NEDD4L: variants seen among roughly 807,000 people sequenced by gnomAD.
The protein encoded by NEDD4L is NEDD4 like E3 ubiquitin protein ligase.
In NEDD4L, 54 loss-of-function variants were observed where a neutral mutation model predicts 148.9. The ratio of observed to expected loss-of-function variants is 0.36; its 90% CI spans 0.29 to 0.45. The LOEUF (loss-of-function observed/expected upper bound fraction) is 0.45. Ranked by LOEUF, NEDD4L falls within the 20% of genes least tolerant of loss-of-function variation. NEDD4L has a pLI of 1.00. For synonymous variants in NEDD4L, 433 were observed against 440.7 expected (o/e 0.98, Z 0.22); for missense variants, 856 against 1,233.8 (o/e 0.69, Z 4.59).
At chr18:58,302,963 G>C (rs2149271956) in intron 5 of NEDD4L, among the ~76,000 whole-genome samples, 1 of 152,362 alleles carries the variant, frequency 6.6e-6, no homozygotes, top group South Asian at 2.1e-4. Context: ...AGGGCATGCA[G>C]TGCAACAGAA....
intron 19 of NEDD4L, among the ~76,000 whole-genome samples, chr18:58,361,447 A>AAC (rs1568846076): frequency 2.0e-5 from 3 of 152,198 alleles, no homozygotes; most frequent in African/African-American, 7.2e-5. Context: ...TCATTTTTCC[A>AAC]AGAACTTTAT....
At position 58,044,509 on chromosome 18, in the gene NEDD4L, T is replaced by A; in HGVS notation, c.-152T>A. 1.8e-6 allele frequency: 2 copies of A among 1,105,384 alleles called. No individual in the cohort carries two copies. Among genetic ancestry groups the A allele is most frequent in the Non-Finnish European group, 2.3e-6 (2 of 862,790 alleles). 68.5% of individuals were successfully genotyped at this position (1,105,384 alleles called of 1,614,324 possible). ...GTCCAGGGCGCGCTCTCGGGCACCC[T>A]CACCTGCCGGCGCCCGGCCGCTTAC... On this transcript the variant is annotated 5_prime_UTR_variant, in exon 1 of 31. Coordinates refer to ENST00000400345, the MANE Select transcript of NEDD4L (RefSeq NM_001144967.3).
intron 5 of NEDD4L, among the ~76,000 whole-genome samples, chr18:58,262,304 G>C (rs1346858484): frequency 6.6e-6 from 1 of 152,164 alleles, no homozygotes; most frequent in African/African-American, 2.4e-5. Context: ...CCAGGCCCTG[G>C]ACTTCTGTCT....
At chr18:58,094,447 A>G (rs1257180676) in intron 1 of NEDD4L, among the ~76,000 whole-genome samples, 8 of 151,712 alleles carry the variant, frequency 5.3e-5, no homozygotes, top group Non-Finnish European at 1.0e-4. Context: ...TCAGCCTCCT[A>G]CAGTGTTGGG....
rs1177209188 is a variant in NEDD4L at position 58,125,420 on chromosome 18, A to G, written c.49-40368A>G. Among the ~76,000 whole-genome samples, 12 of 151,822 alleles carry G rather than the reference A, an allele frequency of 7.9e-5. No individual in the cohort carries two copies. The East Asian group carries it at 2.1e-3, about 27-fold the overall frequency. The stretch of plus-strand genomic sequence containing the variant: ...ATCTGACCAGTTGAGGCAGGCTTTC[A>G]TGTCATTCTCTCTGGCCACCCCCTT... On this transcript the variant is annotated intron_variant, in intron 1 of 30. Coordinates refer to ENST00000400345, the MANE Select transcript of NEDD4L (RefSeq NM_001144967.3).
chr18:58,205,822 C>T (rs551680754), intron 2 of NEDD4L, among the ~76,000 whole-genome samples: 2 of 151,794 alleles, frequency 1.3e-5, no homozygotes, highest in African/African-American at 2.4e-5. Flanking sequence ...TTTCCTTTCA[C>T]ATCCCCTTGG....
At chr18:58,269,037 A>AT (rs1273463615) in intron 5 of NEDD4L, among the ~76,000 whole-genome samples, 3 of 151,910 alleles carry the variant, frequency 2.0e-5, no homozygotes, top group Non-Finnish European at 2.9e-5. Flanking sequence ...ACTGGGGATC[A>AT]TTTTTTCCTT....
chr18:58,102,270 C>T (rs1001219297), intron 1 of NEDD4L, among the ~76,000 whole-genome samples: 4 of 152,086 alleles, frequency 2.6e-5, no homozygotes, highest in African/African-American at 9.7e-5. Context: ...AGCTGTGGCT[C>T]ACATGTCTCC....
intron 1 of NEDD4L, chr18:58,055,025 G>A (rs2082032990): frequency 6.6e-6 from 1 of 152,212 alleles, no homozygotes. Flanking sequence ...CTGTGGGAGT[G>A]ATGGGTGGGG....
intron 5 of NEDD4L, among the ~76,000 whole-genome samples, chr18:58,264,278 T>G (rs2049899214): frequency 6.6e-6 from 1 of 152,072 alleles, no homozygotes; most frequent in South Asian, 2.1e-4. Context: ...AAGGACACAG[T>G]GTGCCTCCGG....
intron 1 of NEDD4L, among the ~76,000 whole-genome samples, chr18:58,115,859 C>G (rs898045385): frequency 4.6e-5 from 7 of 152,172 alleles, no homozygotes; most frequent in Non-Finnish European, 1.0e-4. Flanking sequence ...TTATTTTTCC[C>G]TTGCTAAGAG....
At chr18:58,306,935 A>G (rs1283363994) in intron 5 of NEDD4L, among the ~76,000 whole-genome samples, 1 of 152,182 alleles carries the variant, frequency 6.6e-6, no homozygotes, top group South Asian at 2.1e-4. Flanking sequence ...TGCCCAGGCA[A>G]GTTTCTTAAC....
chr18:58,229,495 A>G lies in NEDD4L; in HGVS notation c.123-15932A>G, dbSNP rs75920338. On this transcript the variant is annotated intron_variant, in intron 2 of 30. Transcript: ENST00000400345. ...GGAGCTCATGTCTCTGTTTGTGCTA[A>G]TGCTCGCTGTATCCCCAAGTGGCAG... Among the ~76,000 whole-genome samples, 1,243 of 152,246 alleles carry G rather than the reference A, an allele frequency of 8.2e-3. 7 individuals carry two copies. The highest frequency in any genetic ancestry group is 0.039 in the East Asian group (202 of 5,180).
chr18:58,343,018 G>A lies in NEDD4L; in HGVS notation c.1490G>A (p.Ser497Asn). The A allele has an allele frequency of 1.2e-6, 2 of 1,613,730 alleles. No homozygotes were observed. Among genetic ancestry groups the A allele is most frequent in the Non-Finnish European group, 1.7e-6 (2 of 1,179,766 alleles). ...AAACCACAACACAAAGTCACACAGA[G>A]CTTCTTGCCACCCGGCTGGGAAATG... ...SPKPQHKVTQSFLPPGWEMRI... is the reference protein window; with the variant it reads ...SPKPQHKVTQNFLPPGWEMRI... The change falls in exon 16 of 31, where the codon AGC (serine) becomes AAC (asparagine). Residue 497 changes from serine (S) to asparagine (N), a missense_variant. By Grantham distance (46) the Ser-to-Asn change is conservative. Coordinates refer to ENST00000400345, the MANE Select transcript of NEDD4L (RefSeq NM_001144967.3).
Position 58,230,434 on chromosome 18 carries a change from C to A in NEDD4L, c.123-14993C>A, listed in dbSNP as rs565340087. Among the ~76,000 whole-genome samples the A allele has an allele frequency of 7.1e-5, 9 of 127,568 alleles. No individual in the cohort carries two copies. In the South Asian group the frequency reaches 1.8e-3, roughly 25 times the overall value. The allele number at this position is 127,568 out of a possible 152,430, so 83.7% of individuals were successfully genotyped here. On this transcript the variant is annotated intron_variant, in intron 2 of 30. Coordinates refer to ENST00000400345, the MANE Select transcript of NEDD4L (RefSeq NM_001144967.3). ...AGCTTCTTCTTTTTTTTTTTTTAAT[C>A]ATTTTGTTGTTTCTTTGAGTGTATG...
intron 3 of NEDD4L, chr18:58,247,416 C>T (rs1271052962): frequency 6.6e-6 from 1 of 152,180 alleles, no homozygotes; most frequent in African/African-American, 2.4e-5. Context: ...AGTTTCTAGG[C>T]GAGTGGGGGC....
intron 16 of NEDD4L, 23 bp from the exon 17 acceptor site, chr18:58,349,514 T>G (rs1320848710): frequency 1.9e-5 from 31 of 1,599,208 alleles, no homozygotes; most frequent in Non-Finnish European, 2.4e-5. Flanking sequence ...TAGCATCTAC[T>G]GTCTTTTACA....
At chr18:58,158,494 T>G (rs138200824) in intron 1 of NEDD4L, among the ~76,000 whole-genome samples, 3 of 152,238 alleles carry the variant, frequency 2.0e-5, no homozygotes, top group Admixed American at 2.0e-4. Flanking sequence ...AGGGTTCTGC[T>G]CTAGAAGTCT....
chr18:58,195,606 G>T (rs1247086136), intron 2 of NEDD4L: 1 of 1,345,278 alleles, frequency 7.4e-7, no homozygotes, highest in Non-Finnish European at 9.8e-7. Flanking sequence ...TACCTGGCCG[G>T]GAGCTGGCGG....
Sources: allele counts gnomAD v4.1 joint callset (sites outside exome capture counted in the v4.1 genomes callset), GRCh38; gene constraint gnomAD v4.1.1; transcripts MANE v1.5; gene names NCBI Gene and HGNC (gene_info 2026-07-23, HGNC 2026-07-21).